The following GPHN variants were observed in gnomAD, a reference collection of about 807,000 sequenced individuals.
The protein encoded by GPHN is gephyrin.
In GPHN, 17 loss-of-function variants were observed where a neutral mutation model predicts 95.5. That is an observed-to-expected ratio of 0.18 (90% CI 0.12 to 0.27). The LOEUF is 0.27. GPHN is among the 10% of genes least tolerant of loss of function. The pLI is 1.00. For missense variants in GPHN, 660 were observed against 978.1 expected, an observed-to-expected ratio of 0.67 and a Z score of 4.34; for synonymous variants, 320 against 322.5, an observed-to-expected ratio of 0.99 and a Z score of 0.08.
intron 11 of GPHN, among the ~76,000 whole-genome samples, chr14:67,074,088 A>G (rs1249727594): frequency 6.6e-6 from 1 of 152,120 alleles, no homozygotes; most frequent in Admixed American, 6.6e-5. Flanking sequence ...GGCATCCACC[A>G]TGTTAAATGT....
chr14:66,652,526 T>G (rs183357032), intron 1 of GPHN, among the ~76,000 whole-genome samples: 30 of 76,032 alleles, frequency 3.9e-4, no homozygotes, highest in Admixed American at 1.9e-3. Context: ...TTTTTGTGGG[T>G]TTTTTTTTCT....
intron 10 of GPHN, among the ~76,000 whole-genome samples, chr14:67,058,180 T>C (rs527605478): frequency 6.6e-6 from 1 of 152,256 alleles, no homozygotes; most frequent in South Asian, 2.1e-4. Flanking sequence ...TATAAATAAG[T>C]TTATATTTCA....
chr14:66,521,626 A>G (rs1173389971), intron 1 of GPHN, among the ~76,000 whole-genome samples: 2 of 152,148 alleles, frequency 1.3e-5, no homozygotes, highest in South Asian at 4.1e-4. Flanking sequence ...CTTTCTAGCT[A>G]TGTCCACATA....
chr14:67,067,062 G>T (rs1246625495), intron 11 of GPHN, among the ~76,000 whole-genome samples: 3 of 152,082 alleles, frequency 2.0e-5, no homozygotes, highest in African/African-American at 7.2e-5. Flanking sequence ...CACCATCTTT[G>T]TGGTTTTATC....
chr14:66,674,587 C>T (rs2066484220), intron 1 of GPHN, among the ~76,000 whole-genome samples: 1 of 152,182 alleles, frequency 6.6e-6, no homozygotes, highest in South Asian at 2.1e-4. Context: ...ACTTATTTCA[C>T]ATAACATAAT....
chr14:67,166,384 A>G (rs1434751705), intron 20 of GPHN, among the ~76,000 whole-genome samples: 3 of 152,218 alleles, frequency 2.0e-5, no homozygotes, highest in Non-Finnish European at 2.9e-5. Context: ...TCTACGGAAG[A>G]TATGACTTAA....
At chr14:66,672,795 T>C (rs2066369039) in intron 1 of GPHN, among the ~76,000 whole-genome samples, 1 of 152,206 alleles carries the variant, frequency 6.6e-6, no homozygotes, top group Non-Finnish European at 1.5e-5. Context: ...TGTAAGTATT[T>C]TTAAATTTGA....
chr14:66,951,959 T>C (rs1023271737), intron 8 of GPHN, among the ~76,000 whole-genome samples: 2 of 152,202 alleles, frequency 1.3e-5, no homozygotes, highest in Non-Finnish European at 2.9e-5. Flanking sequence ...AAAGCTTTTA[T>C]AGATTTTTAC....
At chr14:66,560,989 A>G (rs187862213) in intron 1 of GPHN, among the ~76,000 whole-genome samples, 5 of 152,230 alleles carry the variant, frequency 3.3e-5, no homozygotes, top group Admixed American at 6.5e-5. Flanking sequence ...TTCTGCATCT[A>G]TTGAGATAAT....
the GPHN span, chr14:67,562,106 C>A: frequency 5.0e-6 from 8 of 1,611,114 alleles, no homozygotes; most frequent in Non-Finnish European, 6.8e-6. Flanking sequence ...TACGGGAGCT[C>A]TCAATGTGAC....
At chr14:67,041,401 T>C (rs1428725982) in intron 10 of GPHN, among the ~76,000 whole-genome samples, 1 of 151,620 alleles carries the variant, frequency 6.6e-6, no homozygotes, top group African/African-American at 2.4e-5. Context: ...TGGTGTGTGA[T>C]GTTCCCCTTC....
rs1357648108 is a variant in GPHN, at chr14:66,837,391, C to G, written c.294+12825C>G. 8.4e-5 allele frequency among the ~76,000 whole-genome samples: 11 copies of G among 131,040 alleles called. No homozygotes were observed. In the East Asian group the frequency reaches 2.2e-3, roughly 26 times the overall value. The allele number at this position is 131,040 out of a possible 152,430, so 86.0% of individuals were successfully genotyped here. ...TTCTCACTCATAGGTGGGAATTGAACAATGAGATCACATGGACACAGGAAG... is the reference window on the plus strand; with the variant it reads ...TTCTCACTCATAGGTGGGAATTGAAGAATGAGATCACATGGACACAGGAAG... On this transcript the variant is annotated intron_variant, in intron 4 of 22. Coordinates refer to ENST00000478722, the MANE Select transcript of GPHN (RefSeq NM_020806.5).
intron 3 of GPHN, among the ~76,000 whole-genome samples, chr14:66,808,642 C>A (rs2060644440): frequency 6.6e-6 from 1 of 152,070 alleles, no homozygotes; most frequent in African/African-American, 2.4e-5. Context: ...AATAAAAATA[C>A]AAAAATTAGC....
chr14:67,068,075 C>T lies in GPHN; in HGVS notation c.1144+9289C>T, dbSNP rs559105377. ...GCTGCAGAATGGAGCTGTTCCTATT[C>T]GGCCATCTTGGAACAGAGTCCCAGT... On this transcript the variant is annotated intron_variant, in intron 11 of 22. Coordinates refer to ENST00000478722, the MANE Select transcript of GPHN (RefSeq NM_020806.5). Among the ~76,000 whole-genome samples the T allele has an allele frequency of 4.6e-5, 7 of 152,292 alleles. No individual in the cohort carries two copies. In the South Asian group the frequency reaches 1.5e-3, roughly 32 times the overall value.
the GPHN span, among the ~76,000 whole-genome samples, chr14:67,214,526 T>A: frequency 6.6e-6 from 1 of 152,196 alleles, no homozygotes; most frequent in Non-Finnish European, 1.5e-5. Context: ...TTGATCTATA[T>A]CTCTGTTTTG....
At chr14:67,691,221 T>C in the GPHN span, 45 of 1,613,814 alleles carry the variant, frequency 2.8e-5, no homozygotes, top group Non-Finnish European at 3.7e-5. Flanking sequence ...GCATTGTTGA[T>C]CAAAACGTGG....
intron 2 of GPHN, among the ~76,000 whole-genome samples, chr14:66,714,817 G>T (rs1254136913): frequency 6.6e-6 from 1 of 152,094 alleles, no homozygotes; most frequent in East Asian, 1.9e-4. Context: ...TGCATCCCTG[G>T]TATGAAACCC....
At chr14:67,462,415 A>T in the GPHN span, among the ~76,000 whole-genome samples, 1 of 152,222 alleles carries the variant, frequency 6.6e-6, no homozygotes, top group African/African-American at 2.4e-5. Flanking sequence ...CAGTGATCAT[A>T]GCTCACTGCA....
chr14:67,341,278 G>A, the GPHN span, among the ~76,000 whole-genome samples: 1 of 150,756 alleles, frequency 6.6e-6, no homozygotes, highest in Non-Finnish European at 1.5e-5. Context: ...GAGCGCCTCT[G>A]CCCCACCGCC....
Sources: allele counts gnomAD v4.1 joint callset (sites outside exome capture counted in the v4.1 genomes callset), GRCh38; gene constraint gnomAD v4.1.1; transcripts MANE v1.5; gene names NCBI Gene and HGNC (gene_info 2026-07-23, HGNC 2026-07-21).